The following SPINK8 variants were observed in gnomAD, a reference collection of about 807,000 sequenced individuals.
SPINK8 encodes the protein serine peptidase inhibitor Kazal type 8 (putative), also known as serine protease inhibitor Kazal-type 8.
Under a neutral mutation model 14.4 loss-of-function variants are expected in SPINK8, and 12 were observed. The observed-to-expected ratio is 0.83, with a 90% CI of 0.53 to 1.35. The LOEUF is 1.35. SPINK8 is among the 40% of genes most tolerant of loss of function. SPINK8 has a pLI of 0.00. For missense variants in SPINK8, 103 were observed against 117.0 expected, an observed-to-expected ratio of 0.88 and a Z score of 0.55; for synonymous variants, 32 against 37.6, an observed-to-expected ratio of 0.85 and a Z score of 0.55.
chr3:48,309,678 A>T (rs2035897865), intron 7 of SPINK8, among the ~76,000 whole-genome samples: 1 of 152,222 alleles, frequency 6.6e-6, no homozygotes, highest in Non-Finnish European at 1.5e-5. Context: ...GTTTTAATAT[A>T]CTTCATCAAA....
chr3:48,331,855 C>A (rs989736586), intron 2 of SPINK8, among the ~76,000 whole-genome samples: 1 of 152,190 alleles, frequency 6.6e-6, no homozygotes, highest in African/African-American at 2.4e-5. Flanking sequence ...GAGAAGGCCG[C>A]GCTAGTGTCC....
At chr3:48,329,827 G>A (rs1440373204) in intron 2 of SPINK8, among the ~76,000 whole-genome samples, 2 of 152,254 alleles carry the variant, frequency 1.3e-5, no homozygotes, top group East Asian at 3.9e-4. Flanking sequence ...GATTTGGCCT[G>A]ACTCACAGGG....
chr3:48,319,530 T>C lies in SPINK8; in HGVS notation c.206A>G (p.Tyr69Cys). 1 of 1,613,978 alleles carries C rather than the reference T, an allele frequency of 6.2e-7. No individual in the cohort carries two copies. The highest frequency in any genetic ancestry group is 8.5e-7 in the Non-Finnish European group (1 of 1,179,876). The change falls in exon 6 of 8, where the codon TAC (tyrosine) becomes TGC (cysteine). Residue 69 changes from tyrosine to cysteine, a missense_variant. Coordinates refer to ENST00000434006, the MANE Select transcript of SPINK8 (RefSeq NM_001080525.3). ...GGAGCACAGATGGCAGTCACTACTG[T>C]AGGTAACCTGGTCACTGCCACAAAT... The part of the protein sequence containing the change: ...EPICGSDQVT[Y>C]SSDCHLCSKI...
intron 6 of SPINK8, among the ~76,000 whole-genome samples, chr3:48,312,996 C>CAAAAAAAAAAAAAAAA (rs57016387): frequency 1.6e-5 from 2 of 122,014 alleles, no homozygotes; most frequent in Admixed American, 8.6e-5. Flanking sequence ...GACTCTGTCT[C>CAAAAAAAAAAAAAAAA]AAAAAAAAAA....
At position 48,321,072 on chromosome 3, in the gene SPINK8, A is replaced by T; in HGVS notation, c.70T>A (p.Phe24Ile). 6.3e-7 allele frequency: 1 copy of T among 1,579,678 alleles called. No homozygotes were observed. ...CTTTCAGAGGCCATAGGAAGGGGGA[A>T]GTCTGGAAGACAAAAGCACATACAG... ...TSMWMAFAID[F>I]PLPMASERGQ... Residue 24 changes from phenylalanine (F) to isoleucine (I), a missense_variant and splice_region_variant, in exon 5 of 8, where the codon TTC (phenylalanine) becomes ATC (isoleucine). Transcript: ENST00000434006.
At chr3:48,310,127 A>G (rs2035906317) in intron 6 of SPINK8, among the ~76,000 whole-genome samples, 181 bp from the exon 7 acceptor site, 1 of 152,214 alleles carries the variant, frequency 6.6e-6, no homozygotes, top group Non-Finnish European at 1.5e-5. Flanking sequence ...CATTGAGTAT[A>G]GAAAACATAC....
chr3:48,322,752 G>A (rs2036092228), intron 4 of SPINK8, among the ~76,000 whole-genome samples: 1 of 152,156 alleles, frequency 6.6e-6, no homozygotes, highest in African/African-American at 2.4e-5. Flanking sequence ...ATTGTAGCTT[G>A]TATCAGTACT....
chr3:48,333,658 T>C lies in SPINK8; in HGVS notation c.-365A>G, dbSNP rs552112208. Reference sequence around the variant, plus strand: ...CATTGCCTTTGCACTCAGGAGTGAGTTCTAGAGCTGGGCTGGGTTTCTGAG... The same window carrying C: ...CATTGCCTTTGCACTCAGGAGTGAGCTCTAGAGCTGGGCTGGGTTTCTGAG... On this transcript the variant is annotated 5_prime_UTR_variant, in exon 1 of 8. Transcript: ENST00000434006. 6.6e-6 allele frequency among the ~76,000 whole-genome samples: 1 copy of C among 152,314 alleles called. No individual in the cohort carries two copies. Among genetic ancestry groups the C allele is most frequent in the South Asian group, 2.1e-4 (1 of 4,826 alleles).
intron 4 of SPINK8, among the ~76,000 whole-genome samples, chr3:48,326,566 C>T (rs1342777846): frequency 6.6e-6 from 1 of 151,146 alleles, no homozygotes; most frequent in Non-Finnish European, 1.5e-5. Context: ...GAGATGGTGC[C>T]ACTGCACTCC....
chr3:48,320,989 A>T (rs1205975409), intron 5 of SPINK8, 36 bp downstream of exon 5: 1 of 1,572,258 alleles, frequency 6.4e-7, no homozygotes, highest in Non-Finnish European at 8.6e-7. Context: ...CTCTCTCCCC[A>T]TTCCTGTTAT....
Position 48,317,163 on chromosome 3 carries a change from A to G in SPINK8, c.239+2334T>C, listed in dbSNP as rs191201528. The stretch of plus-strand genomic sequence containing the variant: ...TAATTTGTATAACAAAAACAGTTCA[A>G]AGAAGGATGGGGAGAATGGAGCTAT... On this transcript the variant is annotated intron_variant, in intron 6 of 7. Coordinates refer to ENST00000434006, the MANE Select transcript of SPINK8 (RefSeq NM_001080525.3). Among the ~76,000 whole-genome samples the G allele has an allele frequency of 8.9e-3, 1,354 of 152,342 alleles. 13 individuals are homozygous for G. Among genetic ancestry groups the G allele is most frequent in the Middle Eastern group, 0.031 (9 of 294 alleles).
chr3:48,307,961 C>CTTTT lies in SPINK8; in HGVS notation c.283-962_283-959dup, dbSNP rs869147798. Reference sequence around the variant, plus strand: ...ATGAATTCTGACTTCAGTCTGCATTCTTTTTTTTTTTTTTTTTTTTTTTTT... The same window carrying CTTTT: ...ATGAATTCTGACTTCAGTCTGCATTCTTTTTTTTTTTTTTTTTTTTTTTTTTTTT... On this transcript the variant is annotated intron_variant, in intron 7 of 7. Coordinates refer to ENST00000434006, the MANE Select transcript of SPINK8 (RefSeq NM_001080525.3). 6.0e-3 allele frequency among the ~76,000 whole-genome samples: 407 copies of CTTTT among 68,226 alleles called. 12 individuals are homozygous for CTTTT. Among genetic ancestry groups the CTTTT allele is most frequent in the East Asian group, 8.0e-3 (17 of 2,136 alleles). 44.8% of individuals were successfully genotyped at this position (68,226 alleles called of 152,430 possible). A position where few individuals can be genotyped will look rare whatever the true frequency, so the allele number is the denominator to read the frequency against.
At chr3:48,307,827 T>C (rs953986880) in intron 7 of SPINK8, among the ~76,000 whole-genome samples, 3 of 152,104 alleles carry the variant, frequency 2.0e-5, no homozygotes, top group Non-Finnish European at 2.9e-5. Flanking sequence ...TCTTCAACGC[T>C]CTTCCCCAGA....
At chr3:48,313,390 G>A (rs1415002480) in intron 6 of SPINK8, among the ~76,000 whole-genome samples, 1 of 152,144 alleles carries the variant, frequency 6.6e-6, no homozygotes, top group Non-Finnish European at 1.5e-5. Context: ...AACCTCATTA[G>A]TCATTAGAGA....
At chr3:48,311,410 G>T (rs1209056590) in intron 6 of SPINK8, among the ~76,000 whole-genome samples, 1 of 151,978 alleles carries the variant, frequency 6.6e-6, no homozygotes, top group Admixed American at 6.6e-5. Flanking sequence ...GCAAGAAAAA[G>T]AAATAAAAGG....
At chr3:48,317,793 C>G (rs1010574068) in intron 6 of SPINK8, among the ~76,000 whole-genome samples, 1 of 152,186 alleles carries the variant, frequency 6.6e-6, no homozygotes, top group Non-Finnish European at 1.5e-5. Flanking sequence ...GTTGCCCAGG[C>G]TAGAGTGCAG....
At chr3:48,313,197 G>A (rs1200449551) in intron 6 of SPINK8, among the ~76,000 whole-genome samples, 1 of 152,020 alleles carries the variant, frequency 6.6e-6, no homozygotes, top group Non-Finnish European at 1.5e-5. Flanking sequence ...GAAAGTAAAA[G>A]GCAACCTATA....
intron 7 of SPINK8, among the ~76,000 whole-genome samples, chr3:48,308,122 C>G (rs1400701016): frequency 6.6e-6 from 1 of 151,608 alleles, no homozygotes; most frequent in African/African-American, 2.4e-5. Context: ...TACAGGCGCC[C>G]GCCACCAAGA....
At position 48,319,612 on chromosome 3, in the gene SPINK8, A is replaced by G. The variant is rs1294167701; in HGVS notation, c.124T>C (p.Cys42Arg). 1.2e-6 allele frequency: 2 copies of G among 1,613,802 alleles called. No individual in the cohort carries two copies. The highest frequency in any genetic ancestry group is 8.5e-7 in the Non-Finnish European group (1 of 1,179,862). ...CAGCACTTATTTACATTCTTGAGGCATTCAACCTGAAGGTGAGACACACAC... is the reference window on the plus strand; with the variant it reads ...CAGCACTTATTTACATTCTTGAGGCGTTCAACCTGAAGGTGAGACACACAC... The part of the protein sequence containing the change: ...RGQLDKTIVE[C>R]LKNVNKCWFL... Residue 42 changes from cysteine to arginine, a missense_variant, in exon 6 of 8, where the codon TGC becomes CGC. By Grantham distance (180) the Cys-to-Arg change is radical (BLOSUM62 -3). Transcript: ENST00000434006.
Sources: allele counts gnomAD v4.1 joint callset (sites outside exome capture counted in the v4.1 genomes callset), GRCh38; gene constraint gnomAD v4.1.1; transcripts MANE v1.5; gene names NCBI Gene and HGNC (gene_info 2026-07-23, HGNC 2026-07-21).